Variants in NTRK3 observed in about 807,000 individuals in gnomAD.
NTRK3 encodes NT-3 growth factor receptor.
NTRK3 carries 24 observed loss-of-function variants against 91.7 expected under a neutral mutation model. The observed-to-expected ratio is 0.26, with a 90% CI of 0.19 to 0.37. NTRK3 has a LOEUF of 0.37. NTRK3 is among the 10% of genes least tolerant of loss of function. The pLI is 1.00. For synonymous variants in NTRK3, 483 were observed against 404.0 expected, an observed-to-expected ratio of 1.20 and a Z score of -2.34; for missense variants, 880 against 1,068.9, an observed-to-expected ratio of 0.82 and a Z score of 2.46.
At chr15:87,999,992 T>C (rs1250063191) in intron 14 of NTRK3, among the ~76,000 whole-genome samples, 1 of 152,200 alleles carries the variant, frequency 6.6e-6, no homozygotes, top group Non-Finnish European at 1.5e-5. Flanking sequence ...AGTGCTATGA[T>C]AGTGATACTT....
intron 13 of NTRK3, among the ~76,000 whole-genome samples, chr15:88,053,153 G>C (rs2045377060): frequency 6.6e-6 from 1 of 152,180 alleles, no homozygotes; most frequent in African/African-American, 2.4e-5. Flanking sequence ...ACAGAATGTG[G>C]ATAACTAAAC....
chr15:88,141,735 C>T (rs1385923181), intron 6 of NTRK3, among the ~76,000 whole-genome samples: 1 of 152,182 alleles, frequency 6.6e-6, no homozygotes, highest in Non-Finnish European at 1.5e-5. Context: ...CATCTCATGG[C>T]CCCCCAAAGG....
At chr15:88,199,833 TG>T (rs1461629916) in intron 3 of NTRK3, among the ~76,000 whole-genome samples, 2 of 152,180 alleles carry the variant, frequency 1.3e-5, no homozygotes, top group South Asian at 4.1e-4. Flanking sequence ...CCCAGGGGCT[TG>T]GGAATGTAGA....
chr15:88,029,341 T>C (rs1037598693), intron 14 of NTRK3, among the ~76,000 whole-genome samples: 2 of 152,202 alleles, frequency 1.3e-5, no homozygotes, highest in Admixed American at 6.5e-5. Flanking sequence ...AGGTGATCTC[T>C]AAATATCCTT....
At chr15:87,890,081 G>A (rs2065776825) in intron 17 of NTRK3, among the ~76,000 whole-genome samples, 1 of 151,688 alleles carries the variant, frequency 6.6e-6, no homozygotes, top group Admixed American at 6.6e-5. Flanking sequence ...TCCTCTACCT[G>A]CCGCATTTCC....
chr15:88,083,526 G>T (rs534174098), intron 13 of NTRK3, among the ~76,000 whole-genome samples: 64 of 152,226 alleles, frequency 4.2e-4, no homozygotes, highest in South Asian at 1.7e-3. Context: ...CCGGCCAGGA[G>T]TTTTCTAATA....
intron 8 of NTRK3, 111 bp downstream of exon 8, chr15:88,136,356 G>T: frequency 1.5e-6 from 2 of 1,361,084 alleles, no homozygotes; most frequent in Non-Finnish European, 2.1e-6. Flanking sequence ...TGTAACCCAA[G>T]TCTATGTGTT....
At chr15:88,031,988 G>A (rs1020708059) in intron 14 of NTRK3, among the ~76,000 whole-genome samples, 6 of 152,126 alleles carry the variant, frequency 3.9e-5, no homozygotes, top group South Asian at 2.1e-4. Flanking sequence ...CAACCTAGCC[G>A]ATCACTTCTG....
At chr15:87,977,526 G>A (rs1323391120) in intron 14 of NTRK3, 1 of 228,016 alleles carries the variant, frequency 4.4e-6, no homozygotes, top group Non-Finnish European at 8.7e-6. Context: ...ATGAGGTAAT[G>A]ATTTACAATA....
At chr15:88,154,256 C>G (rs2043676413) in intron 5 of NTRK3, among the ~76,000 whole-genome samples, 1 of 152,164 alleles carries the variant, frequency 6.6e-6, no homozygotes, top group African/African-American at 2.4e-5. Flanking sequence ...CCAGAGGTAT[C>G]TGCAGCCTAC....
chr15:87,867,985 G>T (rs942414438), exon 19 of NTRK3: 1 of 229,572 alleles, frequency 4.4e-6, no homozygotes, highest in Non-Finnish European at 8.6e-6. Context: ...GAGCTCCAAA[G>T]TGCAGAAAGT....
intron 14 of NTRK3, among the ~76,000 whole-genome samples, chr15:87,944,656 T>C (rs2070255673): frequency 6.6e-6 from 1 of 152,222 alleles, no homozygotes; most frequent in African/African-American, 2.4e-5. Context: ...CACAGAGGCT[T>C]AACCCTCCAT....
At chr15:88,045,127 T>C (rs2080057120) in intron 13 of NTRK3, among the ~76,000 whole-genome samples, 1 of 152,192 alleles carries the variant, frequency 6.6e-6, no homozygotes, top group African/African-American at 2.4e-5. Flanking sequence ...TACATCCAAG[T>C]CTCAGGACCT....
intron 13 of NTRK3, among the ~76,000 whole-genome samples, chr15:88,116,672 C>T (rs1366494363): frequency 1.3e-5 from 2 of 152,192 alleles, no homozygotes; most frequent in African/African-American, 4.8e-5. Context: ...CAAATGTTGA[C>T]TCGCAGCCTT....
chr15:88,242,582 A>G (rs996718139), intron 3 of NTRK3, among the ~76,000 whole-genome samples: 9 of 152,190 alleles, frequency 5.9e-5, no homozygotes, highest in African/African-American at 2.2e-4. Context: ...AGCTCCAAGA[A>G]GGAAGTATCA....
intron 13 of NTRK3, chr15:88,072,695 G>A: frequency 4.3e-6 from 1 of 232,830 alleles, no homozygotes; most frequent in Non-Finnish European, 8.5e-6. Flanking sequence ...GTTGTACCAA[G>A]AGGGCAGAGG....
chr15:88,153,295 T>G (rs899308097), intron 5 of NTRK3, among the ~76,000 whole-genome samples: 2 of 152,154 alleles, frequency 1.3e-5, no homozygotes, highest in African/African-American at 4.8e-5. Context: ...CAGGCTGGAG[T>G]GCAATGGCAT....
chr15:87,860,061 G>A (rs1208911865), exon 19 of NTRK3: 8 of 206,988 alleles, frequency 3.9e-5, no homozygotes, highest in South Asian at 1.9e-4. Context: ...AAAAGAGTTC[G>A]CCTTCCTGTA....
At chr15:88,150,137 A>G (rs148111854) in intron 5 of NTRK3, among the ~76,000 whole-genome samples, 135 of 152,286 alleles carry the variant, frequency 8.9e-4, no homozygotes, top group African/African-American at 3.1e-3. Flanking sequence ...GCCCTGAAGA[A>G]CATGCCCCTG....
Sources: gnomAD v4.1 joint callset for allele counts (sites outside exome capture counted in the v4.1 genomes callset) on GRCh38, gnomAD v4.1.1 for gene constraint, MANE v1.5 for transcripts, NCBI Gene and HGNC (gene_info 2026-07-23, HGNC 2026-07-21) for gene names.